Variants in SPOCK3 observed in about 807,000 individuals in gnomAD.
The protein encoded by SPOCK3 is SPARC (osteonectin), cwcv and kazal like domains proteoglycan 3, also known as testican-3.
In SPOCK3, 30 loss-of-function variants were observed where a neutral mutation model predicts 56.6. The ratio of observed to expected loss-of-function variants is 0.53; its 90% CI spans 0.40 to 0.72. The LOEUF is 0.72. SPOCK3 is among the 30% of genes least tolerant of loss of function. The pLI, the probability that SPOCK3 is intolerant of heterozygous loss-of-function variation, is 0.00. For synonymous variants in SPOCK3, 196 were observed against 183.3 expected, an observed-to-expected ratio of 1.07 and a Z score of -0.56; for missense variants, 527 against 530.0, an observed-to-expected ratio of 0.99 and a Z score of 0.06.
At chr4:166,879,002 C>G (rs1733409186) in intron 6 of SPOCK3, among the ~76,000 whole-genome samples, 2 of 151,988 alleles carry the variant, frequency 1.3e-5, no homozygotes, top group African/African-American at 4.8e-5. Flanking sequence ...TAATCTAGCC[C>G]TTTTACTTTA....
At chr4:167,071,100 T>A (rs1468331505) in intron 2 of SPOCK3, among the ~76,000 whole-genome samples, 2 of 151,986 alleles carry the variant, frequency 1.3e-5, no homozygotes, top group African/African-American at 2.4e-5. Context: ...TGAAAGTCTC[T>A]GAAAATTGAG....
chr4:167,205,325 T>A (rs1304831590), intron 2 of SPOCK3, among the ~76,000 whole-genome samples: 11 of 39,266 alleles, frequency 2.8e-4, no homozygotes, highest in African/African-American at 3.8e-4. Flanking sequence ...TTTATATATA[T>A]AATATATATT....
At chr4:167,177,315 C>T (rs1054099656) in intron 2 of SPOCK3, among the ~76,000 whole-genome samples, 4 of 151,880 alleles carry the variant, frequency 2.6e-5, no homozygotes, top group African/African-American at 9.7e-5. Flanking sequence ...CAGTCAGTTA[C>T]GTTCTGAGCA....
At chr4:167,095,910 G>A (rs1004449931) in intron 2 of SPOCK3, among the ~76,000 whole-genome samples, 8 of 151,516 alleles carry the variant, frequency 5.3e-5, no homozygotes, top group Admixed American at 4.6e-4. Flanking sequence ...AGAATGCAAG[G>A]AAACACAGCA....
At chr4:166,774,180 T>C (rs1030334421) in intron 7 of SPOCK3, among the ~76,000 whole-genome samples, 2 of 152,222 alleles carry the variant, frequency 1.3e-5, no homozygotes, top group Non-Finnish European at 2.9e-5. Context: ...TCCTTAATCC[T>C]TCTCTATTTT....
chr4:166,933,621 T>C (rs1207667767), intron 4 of SPOCK3, among the ~76,000 whole-genome samples: 1 of 152,206 alleles, frequency 6.6e-6, no homozygotes, highest in Non-Finnish European at 1.5e-5. Flanking sequence ...GCTCATCTTA[T>C]AGCAAGGCAC....
intron 2 of SPOCK3, among the ~76,000 whole-genome samples, chr4:167,205,308 T>TATATATTATATATAAAATATATATA: frequency 5.1e-5 from 2 of 39,240 alleles, no homozygotes; most frequent in African/African-American, 1.9e-4. Context: ...TAATATATAT[T>TATATATTATATATAAAATATATATA]ATATATTTTA....
chr4:166,747,172 A>T (rs974241412), intron 8 of SPOCK3, among the ~76,000 whole-genome samples: 2 of 152,188 alleles, frequency 1.3e-5, no homozygotes, highest in African/African-American at 4.8e-5. Context: ...CCTGGCAGAG[A>T]CACAGCAAAC....
intron 3 of SPOCK3, among the ~76,000 whole-genome samples, chr4:167,045,578 C>G (rs1272033192): frequency 6.6e-6 from 1 of 151,940 alleles, no homozygotes; most frequent in East Asian, 1.9e-4. Flanking sequence ...GTTTCTACTA[C>G]TTAAATTATA....
At chr4:167,074,513 A>G (rs1447240195) in intron 2 of SPOCK3, among the ~76,000 whole-genome samples, 1 of 151,922 alleles carries the variant, frequency 6.6e-6, no homozygotes, top group Admixed American at 6.6e-5. Flanking sequence ...GCCTCTCCAC[A>G]GGGCAACTCA....
chr4:167,050,545 G>T (rs1754107525), intron 3 of SPOCK3, among the ~76,000 whole-genome samples: 1 of 152,052 alleles, frequency 6.6e-6, no homozygotes, highest in Non-Finnish European at 1.5e-5. Context: ...TCCATTTCCA[G>T]GTATATAACC....
chr4:166,786,922 G>A (rs1307033392), intron 7 of SPOCK3, among the ~76,000 whole-genome samples: 1 of 152,056 alleles, frequency 6.6e-6, no homozygotes, highest in African/African-American at 2.4e-5. Context: ...TATTTAAGGA[G>A]ATAAAGTATT....
intron 5 of SPOCK3, among the ~76,000 whole-genome samples, chr4:166,910,246 G>T (rs1037249284): frequency 2.0e-5 from 3 of 152,010 alleles, no homozygotes; most frequent in Non-Finnish European, 4.4e-5. Context: ...ATGATTTAGG[G>T]TTATTAAAGA....
At chr4:167,184,375 A>G (rs1401334564) in intron 2 of SPOCK3, among the ~76,000 whole-genome samples, 2 of 152,164 alleles carry the variant, frequency 1.3e-5, no homozygotes, top group Admixed American at 1.3e-4. Context: ...AATTCACTAT[A>G]TATCATTCTT....
intron 2 of SPOCK3, among the ~76,000 whole-genome samples, chr4:167,178,337 C>T (rs1731160740): frequency 6.6e-6 from 1 of 152,128 alleles, no homozygotes; most frequent in South Asian, 2.1e-4. Context: ...TAACATTCTT[C>T]CATATAAATA....
chr4:167,098,876 C>CT (rs973365202), intron 2 of SPOCK3, among the ~76,000 whole-genome samples: 19 of 151,800 alleles, frequency 1.3e-4, no homozygotes, highest in South Asian at 4.2e-4. Context: ...GAAACTATGC[C>CT]TTTTTTTTCA....
chr4:167,090,975 A>G (rs554073924), intron 2 of SPOCK3, among the ~76,000 whole-genome samples: 1 of 152,348 alleles, frequency 6.6e-6, no homozygotes, highest in East Asian at 1.9e-4. Context: ...ACTGTCTTTA[A>G]AAGTTTAACA....
chr4:166,901,475 T>A (rs1263873872), intron 5 of SPOCK3, among the ~76,000 whole-genome samples: 1 of 152,098 alleles, frequency 6.6e-6, no homozygotes, highest in African/African-American at 2.4e-5. Context: ...TTAGAAAAGT[T>A]GATAATAAAT....
intron 2 of SPOCK3, among the ~76,000 whole-genome samples, chr4:167,178,691 GATA>G (rs750270503): frequency 2.1e-4 from 32 of 152,002 alleles, no homozygotes; most frequent in Non-Finnish European, 4.0e-4. Flanking sequence ...AAAGAGATAT[GATA>G]ATAACATACT....
Sources: allele counts gnomAD v4.1 joint callset (sites outside exome capture counted in the v4.1 genomes callset), GRCh38; gene constraint gnomAD v4.1.1; transcripts MANE v1.5; gene names NCBI Gene and HGNC (gene_info 2026-07-23, HGNC 2026-07-21).